RBBP8NL: variants seen among roughly 807,000 people sequenced by gnomAD.
RBBP8NL encodes the protein RBBP8 N-terminal-like protein.
RBBP8NL carries 59 observed loss-of-function variants against 62.2 expected under a neutral mutation model. The observed-to-expected ratio is 0.95, with a 90% confidence interval of 0.77 to 1.18. The LOEUF is 1.18. Among genes scored for constraint, RBBP8NL ranks in the 50% most tolerant of loss-of-function variants. RBBP8NL has a pLI of 0.00. For missense variants in RBBP8NL, 896 were observed against 899.5 expected, an observed-to-expected ratio of 1.00 and a Z score of 0.05; for synonymous variants, 412 against 394.1, an observed-to-expected ratio of 1.05 and a Z score of -0.54.
At chr20:62,411,231 C>T (rs1988427975) in intron 13 of RBBP8NL, among the ~76,000 whole-genome samples, 1 of 152,182 alleles carries the variant, frequency 6.6e-6, no homozygotes, top group South Asian at 2.1e-4. Context: ...TGTGTGACCC[C>T]GAACACGGCA....
In RBBP8NL at chr20:62,416,867, C is replaced by T. The variant is rs759817680; in HGVS notation, c.206G>A (p.Arg69Gln). The change falls in exon 5 of 14, where the codon CGG becomes CAG. Residue 69 changes from arginine (R) to glutamine (Q), a missense_variant. Arg to Gln is a conservative substitution (Grantham distance 43). Coordinates refer to ENST00000252998, the MANE Select transcript of RBBP8NL (RefSeq NM_080833.3). The part of the protein sequence containing the change: ...ENLRVLENRL[R>Q]AGLCDRCMVT... The stretch of plus-strand genomic sequence containing the variant: ...CATGCAGCGGTCGCACAGGCCGGCC[C>T]GCAGCCTGCAGGGATGGGGACGCAG... 1.8e-5 allele frequency: 28 copies of T among 1,558,810 alleles called. No homozygotes were observed. Among genetic ancestry groups the T allele is most frequent in the East Asian group, 4.8e-5 (2 of 42,052 alleles).
chr20:62,424,499 G>A lies in RBBP8NL; in HGVS notation c.-84+2961C>T, dbSNP rs532544308. On this transcript the variant is annotated intron_variant, in intron 1 of 13. Coordinates refer to ENST00000252998, the MANE Select transcript of RBBP8NL (RefSeq NM_080833.3). The stretch of plus-strand genomic sequence containing the variant: ...CCTCCTGCAGTGAGGTGCTACTGGT[G>A]CCAGCACCTTTGCCTTCGGGGGACT... Among the ~76,000 whole-genome samples, 372 of 152,300 alleles carry A rather than the reference G, an allele frequency of 2.4e-3. 4 individuals carry two copies. The highest frequency in any genetic ancestry group is 4.2e-3 in the Non-Finnish European group (286 of 68,028).
At chr20:62,417,121 A>G in intron 4 of RBBP8NL, 103 bp downstream of exon 4, 1 of 881,322 alleles carries the variant, frequency 1.1e-6, no homozygotes, top group Non-Finnish European at 1.8e-6. Flanking sequence ...GGTTCAGTTT[A>G]TCCTGGAGTT....
intron 1 of RBBP8NL, among the ~76,000 whole-genome samples, chr20:62,422,061 C>T (rs540464106): frequency 6.6e-6 from 1 of 152,302 alleles, no homozygotes; most frequent in African/African-American, 2.4e-5. Context: ...GGACCACTCT[C>T]CATGGTGGCC....
In RBBP8NL at chr20:62,418,358, G is replaced by T. The variant is rs1231788848; in HGVS notation, c.104+65C>A. The stretch of plus-strand genomic sequence containing the variant: ...ACGGTGGTAGTGCTGGCACACTGGG[G>T]CTTCAGGGGGATGAAGTGGCCAGTG... On this transcript the variant is annotated intron_variant, in intron 3 of 13. Transcript: ENST00000252998. 4 of 1,426,098 alleles carry T rather than the reference G, an allele frequency of 2.8e-6. No homozygotes were observed. The African/African-American group carries it at 4.2e-5, about 15-fold the overall frequency. 88.3% of individuals were successfully genotyped at this position (1,426,098 alleles called of 1,614,324 possible).
rs372781357 is a variant in RBBP8NL at position 62,414,575 on chromosome 20, C to T, written c.795-19G>A. On this transcript the variant is annotated intron_variant, in intron 9 of 13. Transcript: ENST00000252998. The stretch of plus-strand genomic sequence containing the variant: ...CAGGAAGCTGTGAGGGAGGAGAAGC[C>T]GAATGACCATGGCTGTGTGGAGCCG... 8.1e-5 allele frequency: 114 copies of T among 1,416,054 alleles called. No individual in the cohort carries two copies. The highest frequency in any genetic ancestry group is 5.9e-4 in the African/African-American group (41 of 69,296). 87.7% of individuals were successfully genotyped at this position (1,416,054 alleles called of 1,614,324 possible). A position where few individuals can be genotyped will look rare whatever the true frequency, so the allele number is the denominator to read the frequency against.
At chr20:62,411,920 G>T (rs1002389412) in intron 13 of RBBP8NL, among the ~76,000 whole-genome samples, 1 of 152,282 alleles carries the variant, frequency 6.6e-6, no homozygotes, top group Non-Finnish European at 1.5e-5. Flanking sequence ...CCCGCCTGCT[G>T]CCTGCGGGCC....
intron 8 of RBBP8NL, 83 bp from the exon 9 acceptor site, chr20:62,415,370 T>G: frequency 6.8e-7 from 1 of 1,461,760 alleles, no homozygotes; most frequent in South Asian, 1.3e-5. Context: ...CTGCCTGCCC[T>G]GGGCTGCTCC....
At chr20:62,420,350 G>GCACACACACACA (rs55946617) in intron 1 of RBBP8NL, among the ~76,000 whole-genome samples, 1 of 129,768 alleles carries the variant, frequency 7.7e-6, no homozygotes, top group Non-Finnish European at 1.7e-5. Context: ...TGTCCCACAG[G>GCACACACACACA]CACACACACA....
In RBBP8NL at chr20:62,417,489, T is replaced by C. The variant is rs1239332333; in HGVS notation, c.105-170A>G. Among the ~76,000 whole-genome samples the C allele has an allele frequency of 2.4e-3, 323 of 135,390 alleles. 3 individuals are homozygous for C. Among genetic ancestry groups the C allele is most frequent in the African/African-American group, 0.011 (301 of 27,476 alleles). 88.8% of individuals were successfully genotyped at this position (135,390 alleles called of 152,430 possible). On this transcript the variant is annotated intron_variant, in intron 3 of 13. Transcript: ENST00000252998. Reference sequence around the variant, plus strand: ...GTCATCTGCACGCTCCTCTGTGACGTCTGTCCCGTCCACGCAGCCCCCCCA... The same window carrying C: ...GTCATCTGCACGCTCCTCTGTGACGCCTGTCCCGTCCACGCAGCCCCCCCA...
rs749050845 is a variant in RBBP8NL, at chr20:62,414,022, G to C, written c.1329C>G (p.Asp443Glu). Reference sequence around the variant, plus strand: ...CCCGGGCCCGGCCCCACTCCGAGAGGTCCAGGGGCTTGTCTAGGGCACAGT... The same window carrying C: ...CCCGGGCCCGGCCCCACTCCGAGAGCTCCAGGGGCTTGTCTAGGGCACAGT... ...TQDCALDKPL[D>E]LSEWGRARGQ... is the part of the protein sequence containing the mutation. The change falls in exon 10 of 14, where the codon GAC (aspartate) becomes GAG (glutamate). Residue 443 changes from aspartate to glutamate, a missense_variant. Physicochemically the swap from Asp to Glu is conservative, Grantham distance 45 (BLOSUM62 2). Coordinates refer to ENST00000252998, the MANE Select transcript of RBBP8NL (RefSeq NM_080833.3). The C allele has an allele frequency of 1.0e-5, 16 of 1,587,968 alleles. No homozygotes were observed. The highest frequency in any genetic ancestry group is 3.5e-5 in the Admixed American group (2 of 57,346).
At chr20:62,418,956 G>A (rs1458592526) in intron 2 of RBBP8NL, among the ~76,000 whole-genome samples, 1 of 152,190 alleles carries the variant, frequency 6.6e-6, no homozygotes, top group African/African-American at 2.4e-5. Context: ...ACCTCCAGGT[G>A]GGTGTGGGTG....
In RBBP8NL at chr20:62,416,353, C is replaced by T. The variant is rs540584169; in HGVS notation, c.314-117G>A. The stretch of plus-strand genomic sequence containing the variant: ...AGTGCCCCCAGCACGTAGCCCAGGG[C>T]CTGGCAGGCAGCAGGGGCGCCGTGG... On this transcript the variant is annotated intron_variant, in intron 5 of 13. Transcript: ENST00000252998. The T allele has an allele frequency of 2.4e-3, 2,245 of 935,986 alleles. 4 individuals are homozygous for T. Among genetic ancestry groups the T allele is most frequent in the Non-Finnish European group, 3.2e-3 (1,934 of 605,354 alleles). The allele number at this position is 935,986 out of a possible 1,614,324, so 58.0% of individuals were successfully genotyped here. A position where few individuals can be genotyped will look rare whatever the true frequency, so the allele number is the denominator to read the frequency against.
In RBBP8NL at chr20:62,414,498, T is replaced by G; in HGVS notation, c.853A>C (p.Lys285Gln). The change falls in exon 10 of 14, where the codon AAG becomes CAG. Residue 285 changes from lysine (K) to glutamine (Q), a missense_variant. Physicochemically the swap from Lys to Gln is moderately conservative, Grantham distance 53 (BLOSUM62 1). Transcript: ENST00000252998. The stretch of plus-strand genomic sequence containing the variant: ...TTTAGGAGGCAGAGCCGGTCCACCT[T>G]CGGGGAGAGCTTCGGGGCCTCATGG... ...MTHEAPKLSP[K>Q]VDRLCLLNRP... The G allele has an allele frequency of 6.9e-7, 1 of 1,455,468 alleles. No individual in the cohort carries two copies. Among genetic ancestry groups the G allele is most frequent in the Non-Finnish European group, 9.1e-7 (1 of 1,100,292 alleles). The allele number at this position is 1,455,468 out of a possible 1,614,324, so 90.2% of individuals were successfully genotyped here.
chr20:62,422,574 G>A (rs1601491174), intron 1 of RBBP8NL, among the ~76,000 whole-genome samples: 1 of 146,392 alleles, frequency 6.8e-6, no homozygotes, highest in East Asian at 2.0e-4. Context: ...ACTGGGGTGG[G>A]GATGGCGACT....
intron 2 of RBBP8NL, 28 bp from the exon 3 acceptor site, chr20:62,418,493 G>A (rs1318999319): frequency 1.3e-6 from 2 of 1,541,332 alleles, no homozygotes; most frequent in Non-Finnish European, 1.8e-6. Context: ...GGGGCGGGGG[G>A]TCAGGCCCAG....
At chr20:62,412,955 G>A (rs989592560) in intron 11 of RBBP8NL, 55 bp from the exon 12 acceptor site, 68 of 1,588,738 alleles carry the variant, frequency 4.3e-5, no homozygotes, top group African/African-American at 1.1e-4. Context: ...GGAGTCTCCC[G>A]AGCCTGCCAG....
intron 10 of RBBP8NL, 54 bp downstream of exon 10, chr20:62,413,767 G>T: frequency 6.5e-7 from 1 of 1,526,916 alleles, no homozygotes; most frequent in Non-Finnish European, 8.8e-7. Flanking sequence ...GCCGGCCCGG[G>T]GTGGGGGACG....
intron 1 of RBBP8NL, among the ~76,000 whole-genome samples, chr20:62,421,753 A>G (rs1348703420): frequency 8.3e-6 from 1 of 120,590 alleles, no homozygotes; most frequent in South Asian, 3.0e-4. Context: ...GTGTGTGCAT[A>G]CCCGAGCTAG....
Sources: allele counts gnomAD v4.1 joint callset (sites outside exome capture counted in the v4.1 genomes callset), GRCh38; gene constraint gnomAD v4.1.1; transcripts MANE v1.5; gene names NCBI Gene and HGNC (gene_info 2026-07-23, HGNC 2026-07-21).